Variants in ZNF804B observed in about 807,000 individuals in gnomAD.
ZNF804B encodes zinc finger 804B.
ZNF804B carries 80 observed loss-of-function variants against 101.4 expected under a neutral mutation model. The ratio of observed to expected loss-of-function variants is 0.79; its 90% CI spans 0.66 to 0.95. The LOEUF is 0.95. Among genes scored for constraint, ZNF804B ranks in the 40% least tolerant of loss-of-function variants. ZNF804B has a pLI of 0.00. For missense variants in ZNF804B, 1,673 were observed against 1,561.9 expected (o/e 1.07, Z -1.20); for synonymous variants, 622 against 558.8 (o/e 1.11, Z -1.59).
chr7:89,252,340 G>A (rs752789529), intron 2 of ZNF804B, among the ~76,000 whole-genome samples: 2 of 152,054 alleles, frequency 1.3e-5, no homozygotes, highest in African/African-American at 4.8e-5. Flanking sequence ...TCTCACATCA[G>A]TCAGAATGGC....
chr7:89,310,097 AAAAG>A (rs1015957253), intron 2 of ZNF804B, among the ~76,000 whole-genome samples: 1 of 152,078 alleles, frequency 6.6e-6, no homozygotes, highest in African/African-American at 2.4e-5. Context: ...AAAAAAAAAA[AAAAG>A]AGTCAGCTTT....
chr7:89,215,885 AAATAAATAAATAAATAAATAAAT>A (rs1562918594), intron 1 of ZNF804B, among the ~76,000 whole-genome samples: 1 of 135,128 alleles, frequency 7.4e-6, no homozygotes, highest in African/African-American at 2.6e-5. Context: ...CTCCGTCTCT[AAATAAATAAATAAATAAATAAAT>A]AAATAAATAA....
chr7:88,855,303 G>C (rs1459514664), intron 1 of ZNF804B, among the ~76,000 whole-genome samples: 5 of 144,584 alleles, frequency 3.5e-5, no homozygotes, highest in African/African-American at 7.6e-5. Flanking sequence ...ATTCTAACTG[G>C]TGTGAGATGG....
At chr7:89,018,408 A>G (rs1245289566) in intron 1 of ZNF804B, among the ~76,000 whole-genome samples, 2 of 151,820 alleles carry the variant, frequency 1.3e-5, no homozygotes, top group Non-Finnish European at 2.9e-5. Context: ...TTTGAATTCA[A>G]TTTGCTAATA....
intron 1 of ZNF804B, among the ~76,000 whole-genome samples, chr7:89,196,433 A>C (rs777075433): frequency 2.0e-5 from 3 of 152,148 alleles, no homozygotes; most frequent in Non-Finnish European, 4.4e-5. Context: ...ATATGCAGAA[A>C]ATTGTATCTG....
intron 1 of ZNF804B, among the ~76,000 whole-genome samples, chr7:89,035,770 A>G (rs1788915799): frequency 6.6e-6 from 1 of 151,190 alleles, no homozygotes; most frequent in South Asian, 2.1e-4. Context: ...AAGAACAGGA[A>G]AAACATTCAA....
intron 1 of ZNF804B, among the ~76,000 whole-genome samples, chr7:88,825,410 A>G (rs1185496030): frequency 6.6e-6 from 1 of 152,042 alleles, no homozygotes; most frequent in Non-Finnish European, 1.5e-5. Context: ...CATCTAGTAT[A>G]TGGAGAACCA....
intron 2 of ZNF804B, among the ~76,000 whole-genome samples, chr7:89,300,819 A>T (rs1042818975): frequency 6.6e-6 from 1 of 151,878 alleles, no homozygotes; most frequent in Non-Finnish European, 1.5e-5. Flanking sequence ...ATCTGAAAAA[A>T]GTTTTGAAGA....
chr7:88,816,408 T>C (rs1306759859), intron 1 of ZNF804B, among the ~76,000 whole-genome samples: 8 of 152,170 alleles, frequency 5.3e-5, no homozygotes, highest in Non-Finnish European at 1.2e-4. Flanking sequence ...AAAGAGCTTC[T>C]GCACAGCAAA....
chr7:89,022,203 G>A (rs1163012855), intron 1 of ZNF804B, among the ~76,000 whole-genome samples: 4 of 152,110 alleles, frequency 2.6e-5, no homozygotes, highest in African/African-American at 7.2e-5. Context: ...CTCCCCTGCT[G>A]CCTTCTAGTG....
intron 2 of ZNF804B, among the ~76,000 whole-genome samples, chr7:89,252,319 A>G (rs1789554321): frequency 1.3e-5 from 2 of 152,122 alleles, no homozygotes; most frequent in African/African-American, 2.4e-5. Context: ...CAAAACCACA[A>G]TGAGATACCA....
intron 1 of ZNF804B, among the ~76,000 whole-genome samples, chr7:89,188,474 G>A (rs1788407502): frequency 6.6e-6 from 1 of 152,018 alleles, no homozygotes; most frequent in Non-Finnish European, 1.5e-5. Flanking sequence ...TTAAGAAATA[G>A]GAAAGTCATA....
chr7:89,109,797 T>C (rs2116350294), intron 1 of ZNF804B, among the ~76,000 whole-genome samples: 1 of 152,306 alleles, frequency 6.6e-6, no homozygotes, highest in African/African-American at 2.4e-5. Context: ...TTTTGCTCTT[T>C]TCTGGGAGAT....
intron 1 of ZNF804B, among the ~76,000 whole-genome samples, chr7:88,925,784 A>T (rs992069187): frequency 9.2e-5 from 14 of 152,160 alleles, no homozygotes; most frequent in African/African-American, 3.4e-4. Flanking sequence ...AGCTAAAAAC[A>T]GTCCAGTGTC....
At chr7:88,827,432 GTT>G (rs5885640) in intron 1 of ZNF804B, among the ~76,000 whole-genome samples, 4 of 147,666 alleles carry the variant, frequency 2.7e-5, no homozygotes, top group East Asian at 2.0e-4. Flanking sequence ...ACATATATGT[GTT>G]TTTTTTTTTA....
intron 2 of ZNF804B, 96 bp downstream of exon 2, chr7:89,218,391 G>C: frequency 7.2e-7 from 1 of 1,390,738 alleles, no homozygotes; most frequent in South Asian, 1.3e-5. Flanking sequence ...ATATAAGACT[G>C]TGAGGTAAGA....
At chr7:89,226,631 A>G (rs1489425041) in intron 2 of ZNF804B, among the ~76,000 whole-genome samples, 1 of 152,076 alleles carries the variant, frequency 6.6e-6, no homozygotes, top group Non-Finnish European at 1.5e-5. Context: ...TGGTTATGCT[A>G]TACATAATAG....
intron 1 of ZNF804B, among the ~76,000 whole-genome samples, chr7:89,045,262 G>A (rs1157314218): frequency 6.6e-6 from 1 of 152,228 alleles, no homozygotes; most frequent in Non-Finnish European, 1.5e-5. Flanking sequence ...GAAATGCCTG[G>A]ATGTCCAGGC....
chr7:89,083,292 T>G (rs555019127), intron 1 of ZNF804B, among the ~76,000 whole-genome samples: 34 of 151,954 alleles, frequency 2.2e-4, no homozygotes, highest in African/African-American at 8.2e-4. Context: ...AATGACTATG[T>G]GCAATTATTT....
Sources: gnomAD v4.1 joint callset for allele counts (sites outside exome capture counted in the v4.1 genomes callset) on GRCh38, gnomAD v4.1.1 for gene constraint, MANE v1.5 for transcripts, NCBI Gene and HGNC (gene_info 2026-07-23, HGNC 2026-07-21) for gene names.